DAAM1: variants seen among roughly 807,000 people sequenced by gnomAD.
DAAM1 encodes disheveled-associated activator of morphogenesis 1.
Under a neutral mutation model 130.0 loss-of-function variants are expected in DAAM1, and 52 were observed. The ratio of observed to expected loss-of-function variants is 0.40; its 90% CI spans 0.32 to 0.50. DAAM1 has a LOEUF of 0.50. DAAM1 is among the 20% of genes least tolerant of loss of function. The pLI, the probability that DAAM1 is intolerant of heterozygous loss-of-function variation, is 0.61. For synonymous variants in DAAM1, 452 were observed against 444.5 expected (o/e 1.02, Z -0.21); for missense variants, 1,134 against 1,303.8 (o/e 0.87, Z 2.01).
At chr14:59,308,080 T>A (rs1884440913) in intron 3 of DAAM1, among the ~76,000 whole-genome samples, 1 of 152,148 alleles carries the variant, frequency 6.6e-6, no homozygotes, top group Non-Finnish European at 1.5e-5. Flanking sequence ...ATCAGGAGAG[T>A]GAGAGCTTGT....
chr14:59,346,260 C>T (rs1481940819), intron 16 of DAAM1, among the ~76,000 whole-genome samples: 1 of 151,898 alleles, frequency 6.6e-6, no homozygotes, highest in African/African-American at 2.4e-5. Flanking sequence ...CAGGAAGTAT[C>T]GGAGACAGGA....
chr14:59,281,404 C>A (rs772653875), intron 2 of DAAM1, among the ~76,000 whole-genome samples: 2 of 152,166 alleles, frequency 1.3e-5, no homozygotes, highest in Non-Finnish European at 2.9e-5. Context: ...TGTGCCCCTT[C>A]CCCAAGCTAG....
chr14:59,365,349 T>C (rs1222983414), intron 23 of DAAM1, among the ~76,000 whole-genome samples: 1 of 152,260 alleles, frequency 6.6e-6, no homozygotes, highest in Non-Finnish European at 1.5e-5. Flanking sequence ...AGACTGGCTA[T>C]TGCTATTTTG....
chr14:59,283,931 A>C (rs996086805), intron 2 of DAAM1, among the ~76,000 whole-genome samples: 5 of 152,178 alleles, frequency 3.3e-5, no homozygotes, highest in Non-Finnish European at 5.9e-5. Flanking sequence ...CTGGGAGCTC[A>C]AAACAGCACA....
intron 3 of DAAM1, among the ~76,000 whole-genome samples, chr14:59,314,460 G>T (rs1378856799): frequency 1.3e-5 from 2 of 151,702 alleles, no homozygotes; most frequent in African/African-American, 2.4e-5. Flanking sequence ...GGAGCCAGAG[G>T]CCACAGCCAC....
rs147129202 is a variant in DAAM1, at chr14:59,294,827, T to C, written c.273+3521T>C. On this transcript the variant is annotated intron_variant, in intron 3 of 24. Coordinates refer to ENST00000360909, the MANE Select transcript of DAAM1 (RefSeq NM_001270520.2). ...ACCACAAAAAGGCGTCTGGCCATGCTGTATTTGCTTATTGTTAACATGATT... is the reference window on the plus strand; with the variant it reads ...ACCACAAAAAGGCGTCTGGCCATGCCGTATTTGCTTATTGTTAACATGATT... 2.1e-3 allele frequency among the ~76,000 whole-genome samples: 315 copies of C among 152,344 alleles called. 1 individual carries two copies. The highest frequency in any genetic ancestry group is 7.3e-3 in the African/African-American group (304 of 41,588).
At chr14:59,262,102 TATAAC>T (rs1426638641) in intron 1 of DAAM1, among the ~76,000 whole-genome samples, 1 of 152,098 alleles carries the variant, frequency 6.6e-6, no homozygotes, top group Non-Finnish European at 1.5e-5. Flanking sequence ...ATTGAAGACT[TATAAC>T]AGTTACACAT....
Position 59,331,895 on chromosome 14 carries a change from C to A in DAAM1, c.1943C>A (p.Thr648Asn), listed in dbSNP as rs1424646671. ...KILDLEDLER[T>N]FSAYQRQQKE... ...CTAGATCTTGAAGACCTGGAAAGAACCTTCTCTGCCTATCAAAGACAGCAG... is the reference window on the plus strand; with the variant it reads ...CTAGATCTTGAAGACCTGGAAAGAAACTTCTCTGCCTATCAAAGACAGCAG... Residue 648 changes from threonine (T) to asparagine (N), a missense_variant, in exon 15 of 25, where the codon ACC becomes AAC. By Grantham distance (65) the Thr-to-Asn change is moderately conservative. Around this residue, in one of 3 missense-constraint regions of DAAM1, gnomAD observed 644 missense variants for 695.9 expected, o/e 0.93. Coordinates refer to ENST00000360909, the MANE Select transcript of DAAM1 (RefSeq NM_001270520.2). 6 of 1,613,978 alleles carry A rather than the reference C, an allele frequency of 3.7e-6. No individual in the cohort carries two copies. In the Admixed American group the frequency reaches 8.3e-5, roughly 22 times the overall value.
chr14:59,212,702 C>G (rs1165953164), intron 1 of DAAM1, among the ~76,000 whole-genome samples: 1 of 152,150 alleles, frequency 6.6e-6, no homozygotes, highest in Non-Finnish European at 1.5e-5. Context: ...AGGGATCTAA[C>G]TAGTTTGTCA....
chr14:59,267,414 G>A (rs999483660), intron 2 of DAAM1, among the ~76,000 whole-genome samples: 9 of 152,100 alleles, frequency 5.9e-5, no homozygotes, highest in African/African-American at 2.2e-4. Flanking sequence ...TAGGCTCCCT[G>A]CTGTAGGCAG....
At chr14:59,323,334 T>G in intron 6 of DAAM1, 109 bp downstream of exon 6, 1 of 1,178,946 alleles carries the variant, frequency 8.5e-7, no homozygotes, top group Non-Finnish European at 1.2e-6. Context: ...CCTCTTGTGG[T>G]GATTACTCAC....
intron 20 of DAAM1, among the ~76,000 whole-genome samples, chr14:59,358,836 C>CAAAAAA (rs35150898): frequency 7.2e-6 from 1 of 137,936 alleles, no homozygotes; most frequent in Non-Finnish European, 1.6e-5. Flanking sequence ...GACCCCATCT[C>CAAAAAA]AAAAAAAAAA....
chr14:59,197,781 G>C (rs1887948800), intron 1 of DAAM1, among the ~76,000 whole-genome samples: 1 of 152,130 alleles, frequency 6.6e-6, no homozygotes, highest in Admixed American at 6.6e-5. Context: ...CAGTTTGACA[G>C]TTCTGCTCCT....
At chr14:59,227,624 G>T (rs1888981125) in intron 1 of DAAM1, among the ~76,000 whole-genome samples, 1 of 152,160 alleles carries the variant, frequency 6.6e-6, no homozygotes, top group Non-Finnish European at 1.5e-5. Context: ...TCGATTATGT[G>T]TCACCTCGTG....
intron 20 of DAAM1, among the ~76,000 whole-genome samples, chr14:59,357,547 G>C (rs867051588): frequency 1.3e-5 from 2 of 152,180 alleles, no homozygotes; most frequent in Admixed American, 6.5e-5. Context: ...GGGAGGCCGA[G>C]GCCGGAAGAT....
chr14:59,360,410 T>C (rs1007373044), intron 21 of DAAM1, among the ~76,000 whole-genome samples: 1 of 152,256 alleles, frequency 6.6e-6, no homozygotes, highest in African/African-American at 2.4e-5. Flanking sequence ...CAGAGTACAA[T>C]GTGAACATGA....
chr14:59,321,434 G>A (rs900010003), intron 5 of DAAM1, among the ~76,000 whole-genome samples: 4 of 152,196 alleles, frequency 2.6e-5, no homozygotes, highest in Non-Finnish European at 5.9e-5. Flanking sequence ...GAATTTTATG[G>A]CATGTGAATT....
At chr14:59,349,003 C>T (rs1192745963) in intron 17 of DAAM1, among the ~76,000 whole-genome samples, 1 of 152,146 alleles carries the variant, frequency 6.6e-6, no homozygotes, top group African/African-American at 2.4e-5. Context: ...TGTGTATGAA[C>T]GGTTTAAAAG....
At chr14:59,362,904 A>C (rs1288258508) in intron 22 of DAAM1, 1 of 152,234 alleles carries the variant, frequency 6.6e-6, no homozygotes, top group African/African-American at 2.4e-5. Context: ...AGGGCAAGTA[A>C]TATAGCCCTC....
Sources: gnomAD v4.1 joint callset for allele counts (sites outside exome capture counted in the v4.1 genomes callset) on GRCh38, gnomAD v4.1.1 for gene constraint, gnomAD v4.1.1 regional missense constraint, MANE v1.5 for transcripts, NCBI Gene and HGNC (gene_info 2026-07-23, HGNC 2026-07-21) for gene names.